ETFBKMT: variants seen among roughly 807,000 people sequenced by gnomAD.
ETFBKMT encodes the protein electron transfer flavoprotein beta subunit lysine methyltransferase.
Under a neutral mutation model 18.3 loss-of-function variants are expected in ETFBKMT, and 13 were observed. The observed-to-expected ratio is 0.71, with a 90% CI of 0.46 to 1.13. The LOEUF (loss-of-function observed/expected upper bound fraction) is 1.13. Ranked by LOEUF, ETFBKMT falls within the 50% of genes most tolerant of loss-of-function variation. ETFBKMT has a pLI of 0.00. For synonymous variants in ETFBKMT, 84 were observed against 107.9 expected (o/e 0.78, Z 1.37); for missense variants, 293 against 306.2 (o/e 0.96, Z 0.32).
chr12:31,654,750 G>A (rs1455473289), upstream of ETFBKMT, among the ~76,000 whole-genome samples: 5 of 152,132 alleles, frequency 3.3e-5, no homozygotes, highest in Non-Finnish European at 7.4e-5. Flanking sequence ...GCCAAGAATG[G>A]TTGTGGTAGA....
rs200832261 is a variant in ETFBKMT, at chr12:31,662,144, C to T, written c.191C>T (p.Thr64Ile). The T allele has an allele frequency of 5.0e-6, 8 of 1,614,236 alleles. No individual in the cohort carries two copies. In the African/African-American group the frequency reaches 8.0e-5, roughly 16 times the overall value. The part of the protein sequence containing the change: ...NTEVTSSGSL[T>I]PEIQLRLLTP... ...GAAGTCACCAGCAGTGGTAGCCTCA[C>T]CCCTGAAATCCAGTTGCGGCTTTTG... is the stretch of plus-strand genomic sequence containing the variant. The change falls in exon 2 of 4, where the codon ACC becomes ATC. Residue 64 changes from threonine (T) to isoleucine (I), a missense_variant. Transcript: ENST00000357721.
At chr12:31,653,476 C>T (rs1388273009) in intron 1 of ETFBKMT, among the ~76,000 whole-genome samples, 1 of 152,054 alleles carries the variant, frequency 6.6e-6, no homozygotes, top group African/African-American at 2.4e-5. Flanking sequence ...TAAAAGTTTG[C>T]CCGGTTACTA....
At chr12:31,662,899 C>T (rs1220098674) in intron 2 of ETFBKMT, among the ~76,000 whole-genome samples, 1 of 152,086 alleles carries the variant, frequency 6.6e-6, no homozygotes, top group African/African-American at 2.4e-5. Context: ...ATAAACCTCA[C>T]ATTCCTTCCA....
upstream of ETFBKMT, among the ~76,000 whole-genome samples, chr12:31,658,560 G>A (rs1951081338): frequency 6.6e-6 from 1 of 152,202 alleles, no homozygotes; most frequent in African/African-American, 2.4e-5. Flanking sequence ...CATGGCAGGA[G>A]CGCAGAACCC....
intron 1 of ETFBKMT, among the ~76,000 whole-genome samples, chr12:31,647,481 T>A (rs1365845191): frequency 6.6e-6 from 1 of 152,176 alleles, no homozygotes; most frequent in East Asian, 1.9e-4. Flanking sequence ...TGACTTCACT[T>A]CTTTACCTCT....
At chr12:31,657,579 G>T (rs186322588), upstream of ETFBKMT, among the ~76,000 whole-genome samples, 1 of 152,128 alleles carries the variant, frequency 6.6e-6, no homozygotes, top group Non-Finnish European at 1.5e-5. Flanking sequence ...GGATCACGAG[G>T]TCAAAAGTTG....
intron 2 of ETFBKMT, among the ~76,000 whole-genome samples, chr12:31,663,408 T>C (rs1190470277): frequency 6.6e-6 from 1 of 151,208 alleles, no homozygotes. Context: ...GTATTTTTAG[T>C]AGAGACAGGG....
chr12:31,672,214 A>G lies in ETFBKMT; in HGVS notation c.*4224A>G, dbSNP rs1951287497. On this transcript the variant is annotated 3_prime_UTR_variant, in exon 4 of 4. Coordinates refer to ENST00000357721, the MANE Select transcript of ETFBKMT (RefSeq NM_001135863.2). Reference sequence around the variant, plus strand: ...AATAAAATAATTAAAAATAGTGTTAACATTAAGTAGAATGCAAATCTCTAT... The same window carrying G: ...AATAAAATAATTAAAAATAGTGTTAGCATTAAGTAGAATGCAAATCTCTAT... 1 of 833,048 alleles carries G rather than the reference A, an allele frequency of 1.2e-6. No homozygotes were observed. The highest frequency in any genetic ancestry group is 2.3e-5 in the Admixed American group (1 of 42,794). The allele number at this position is 833,048 out of a possible 1,614,324, so 51.6% of individuals were successfully genotyped here. A position where few individuals can be genotyped will look rare whatever the true frequency, so the allele number is the denominator to read the frequency against.
At chr12:31,651,635 GC>G (rs1951019186) in intron 1 of ETFBKMT, among the ~76,000 whole-genome samples, 1 of 152,020 alleles carries the variant, frequency 6.6e-6, no homozygotes, top group Admixed American at 6.6e-5. Context: ...CCCGGCCGAT[GC>G]CTTCCTTTAG....
intron 2 of ETFBKMT, among the ~76,000 whole-genome samples, chr12:31,662,505 C>CTTTTTTTTTTTTTTT (rs35366747): frequency 1.6e-5 from 2 of 128,838 alleles, no homozygotes; most frequent in Non-Finnish European, 3.3e-5. Flanking sequence ...TTCTTTCTTT[C>CTTTTTTTTTTTTTTT]TTTTTTTTTT....
intron 1 of ETFBKMT, among the ~76,000 whole-genome samples, chr12:31,650,487 C>T (rs1951007017): frequency 6.6e-6 from 1 of 152,154 alleles, no homozygotes. Context: ...TCTTTACTTT[C>T]TTAAACTTGC....
intron 1 of ETFBKMT, among the ~76,000 whole-genome samples, chr12:31,650,626 CCTTTT>C (rs959370234): frequency 4.9e-4 from 69 of 140,712 alleles, no homozygotes; most frequent in African/African-American, 1.8e-3. Context: ...AATGACCTGA[CCTTTT>C]TTTTTTTTTT....
rs549985860 is a variant in ETFBKMT, at chr12:31,671,917, C to A, written c.*3927C>A. The stretch of plus-strand genomic sequence containing the variant: ...TTAGAAATATGTTTACTTAGATTCT[C>A]CCAAGGTTTATACTTACAGGTAAAC... On this transcript the variant is annotated 3_prime_UTR_variant, in exon 4 of 4. Transcript: ENST00000357721. 1 of 156,950 alleles carries A rather than the reference C, an allele frequency of 6.4e-6. No homozygotes were observed. Among genetic ancestry groups the A allele is most frequent in the African/African-American group, 2.4e-5 (1 of 41,672 alleles). 9.7% of individuals were successfully genotyped at this position (156,950 alleles called of 1,614,324 possible).
In ETFBKMT at chr12:31,672,195, A is replaced by T; in HGVS notation, c.*4205A>T. 1.3e-6 allele frequency: 1 copy of T among 743,420 alleles called. No homozygotes were observed. The highest frequency in any genetic ancestry group is 2.3e-6 in the Non-Finnish European group (1 of 438,296). 46.1% of individuals were successfully genotyped at this position (743,420 alleles called of 1,614,324 possible). A position where few individuals can be genotyped will look rare whatever the true frequency, so the allele number is the denominator to read the frequency against. The stretch of plus-strand genomic sequence containing the variant: ...GAGAGTTATAACTTAAGACAATAAA[A>T]TAATTAAAAATAGTGTTAACATTAA... On this transcript the variant is annotated 3_prime_UTR_variant, in exon 4 of 4. Coordinates refer to ENST00000357721, the MANE Select transcript of ETFBKMT (RefSeq NM_001135863.2).
chr12:31,669,049 C>T lies in ETFBKMT; in HGVS notation c.*1059C>T, dbSNP rs1951233537. 1 of 152,116 alleles carries T rather than the reference C, an allele frequency of 6.6e-6. No individual in the cohort carries two copies. The highest frequency in any genetic ancestry group is 1.9e-4 in the East Asian group (1 of 5,198). 9.4% of individuals were successfully genotyped at this position (152,116 alleles called of 1,614,324 possible). A position where few individuals can be genotyped will look rare whatever the true frequency, so the allele number is the denominator to read the frequency against. On this transcript the variant is annotated 3_prime_UTR_variant, in exon 4 of 4. Coordinates refer to ENST00000357721, the MANE Select transcript of ETFBKMT (RefSeq NM_001135863.2). ...TTGTAATTTTTTGTTGATAGCTAGA[C>T]ATGATGTATTGCATAAATAAACAAG...
intron 1 of ETFBKMT, among the ~76,000 whole-genome samples, chr12:31,649,001 G>A (rs983397718): frequency 4.1e-5 from 6 of 148,134 alleles, no homozygotes; most frequent in East Asian, 2.0e-4. Flanking sequence ...TTTTGGAGAC[G>A]GAGTCTCGCT....
chr12:31,658,816 T>C (rs889801118), upstream of ETFBKMT, among the ~76,000 whole-genome samples: 3 of 152,054 alleles, frequency 2.0e-5, no homozygotes, highest in South Asian at 2.1e-4. Context: ...TCGAGTGATA[T>C]AGGCTGCAAA....
rs1951248718 is a variant in ETFBKMT at position 31,670,081 on chromosome 12, A to AC, written c.*2093dup. On this transcript the variant is annotated 3_prime_UTR_variant, in exon 4 of 4. Coordinates refer to ENST00000357721, the MANE Select transcript of ETFBKMT (RefSeq NM_001135863.2). ...TGGCCAGGCTGGTCTCGAACTCCTG[A>AC]CCTCAGGTGATCCACCTGCCTCAGC... 1 of 151,852 alleles carries AC rather than the reference A, an allele frequency of 6.6e-6. No homozygotes were observed. The highest frequency in any genetic ancestry group is 6.5e-5 in the Admixed American group (1 of 15,272). 9.4% of individuals were successfully genotyped at this position (151,852 alleles called of 1,614,324 possible). A position where few individuals can be genotyped will look rare whatever the true frequency, so the allele number is the denominator to read the frequency against.
At chr12:31,648,711 A>G (rs7485047) in intron 1 of ETFBKMT, among the ~76,000 whole-genome samples, 78 of 151,752 alleles carry the variant, frequency 5.1e-4, no homozygotes, top group Middle Eastern at 3.4e-3. Flanking sequence ...ACAGGGGCCC[A>G]CCACCACGCC....
Sources: gnomAD v4.1 joint callset for allele counts (sites outside exome capture counted in the v4.1 genomes callset) on GRCh38, gnomAD v4.1.1 for gene constraint, MANE v1.5 for transcripts, NCBI Gene and HGNC (gene_info 2026-07-23, HGNC 2026-07-21) for gene names.